The following JADE3 variants were observed in gnomAD, a reference collection of about 807,000 sequenced individuals.
JADE3 encodes jade family PHD finger 3, also known as protein Jade-3.
In JADE3, 2 loss-of-function variants were observed where a neutral mutation model predicts 50.1. The observed-to-expected ratio is 0.04, with a 90% confidence interval of 0.02 to 0.13. JADE3 has a LOEUF of 0.13. Among genes scored for constraint, JADE3 ranks in the 10% least tolerant of loss-of-function variants. JADE3 has a pLI of 1.00. For missense variants in JADE3, 475 were observed against 634.4 expected, an observed-to-expected ratio of 0.75 and a Z score of 2.70; for synonymous variants, 218 against 232.9, an observed-to-expected ratio of 0.94 and a Z score of 0.58.
chrX:46,981,908 A>G lies in JADE3; in HGVS notation c.-11-2976A>G, dbSNP rs556636393. On this transcript the variant is annotated intron_variant, in intron 1 of 10. Transcript: ENST00000614628. The stretch of plus-strand genomic sequence containing the variant: ...TTTTTTTTCCCGGGCTGCTTTCAAG[A>G]TTTTCTCCTTGTCTTTGGCTTTCAG... 2.9e-4 allele frequency among the ~76,000 whole-genome samples: 32 copies of G among 110,326 alleles called. No homozygotes were observed. The South Asian group carries it at 0.012, about 41-fold the overall frequency.
chrX:46,983,437 G>T (rs1321698083), intron 1 of JADE3, among the ~76,000 whole-genome samples: 2 of 111,133 alleles, frequency 1.8e-5, no homozygotes, highest in African/African-American at 6.6e-5. Flanking sequence ...AACACCCAAG[G>T]CATAGCCTCC....
intron 4 of JADE3, among the ~76,000 whole-genome samples, chrX:47,004,015 T>A (rs1461022636): frequency 1.8e-5 from 2 of 108,293 alleles, no homozygotes; most frequent in African/African-American, 6.7e-5. Flanking sequence ...AACTTCCACC[T>A]CCTAGGCTCA....
intron 1 of JADE3, among the ~76,000 whole-genome samples, chrX:46,945,633 C>A (rs1556343219): frequency 9.0e-6 from 1 of 111,642 alleles, no homozygotes. Flanking sequence ...ACTCCTGGAG[C>A]TGTGGGAGCT....
chrX:46,941,389 G>C (rs1602377677), intron 1 of JADE3, among the ~76,000 whole-genome samples: 2 of 111,451 alleles, frequency 1.8e-5, no homozygotes, highest in Admixed American at 1.9e-4. Context: ...CTTTATGGTA[G>C]AATAATTTAT....
chrX:46,980,729 T>A (rs1927729212), intron 1 of JADE3, among the ~76,000 whole-genome samples: 1 of 111,984 alleles, frequency 8.9e-6, no homozygotes, highest in Non-Finnish European at 1.9e-5. Flanking sequence ...TTTTATAATT[T>A]TACATTTTTC....
At chrX:46,937,389 G>A (rs1222970249) in intron 1 of JADE3, among the ~76,000 whole-genome samples, 1 of 110,990 alleles carries the variant, frequency 9.0e-6, no homozygotes, top group Non-Finnish European at 1.9e-5. Context: ...CTATTTTGGG[G>A]TGAAGTGTTC....
intron 3 of JADE3, among the ~76,000 whole-genome samples, chrX:46,988,486 A>G (rs1041846415): frequency 1.8e-5 from 2 of 111,825 alleles, no homozygotes; most frequent in African/African-American, 6.5e-5. Flanking sequence ...ATAAGTATAT[A>G]GTAAACATTT....
intron 4 of JADE3, among the ~76,000 whole-genome samples, chrX:47,005,178 A>G (rs1556360068): frequency 8.9e-6 from 1 of 111,802 alleles, no homozygotes; most frequent in Admixed American, 9.5e-5. Flanking sequence ...AAACTAAGAA[A>G]AGCCTGTCCT....
chrX:46,968,916 AAC>A lies in JADE3; in HGVS notation c.-11-15965_-11-15964del, dbSNP rs1556349598. ...AAATCAGCAAAGATATAGAAGAAAT[AAC>A]ACCACCAGTCAACCAGATTTAATTG... is the stretch of plus-strand genomic sequence containing the variant. On this transcript the variant is annotated intron_variant, in intron 1 of 10. Coordinates refer to ENST00000614628, the MANE Select transcript of JADE3 (RefSeq NM_014735.5). 3.6e-5 allele frequency among the ~76,000 whole-genome samples: 4 copies of A among 111,871 alleles called. No homozygotes were observed. In the South Asian group the frequency reaches 1.5e-3, roughly 42 times the overall value.
intron 1 of JADE3, among the ~76,000 whole-genome samples, chrX:46,961,881 C>T (rs1244454440): frequency 8.9e-6 from 1 of 112,365 alleles, no homozygotes; most frequent in Non-Finnish European, 1.9e-5. Context: ...TGCGTTTATA[C>T]TTGGGTAATT....
At chrX:47,049,287 A>C (rs1369884950) in intron 8 of JADE3, among the ~76,000 whole-genome samples, 3 of 94,036 alleles carry the variant, frequency 3.2e-5, no homozygotes, top group Admixed American at 1.3e-4. Flanking sequence ...TCCCAGGTTC[A>C]AGCAATTCTC....
intron 3 of JADE3, among the ~76,000 whole-genome samples, chrX:46,990,248 T>C (rs1927956016): frequency 8.9e-6 from 1 of 111,795 alleles, no homozygotes; most frequent in African/African-American, 3.3e-5. Flanking sequence ...TTTTCAGTTG[T>C]ATCCTGGACT....
intron 4 of JADE3, among the ~76,000 whole-genome samples, chrX:47,013,484 T>C (rs1292518349): frequency 8.9e-6 from 1 of 112,250 alleles, no homozygotes; most frequent in Non-Finnish European, 1.9e-5. Flanking sequence ...ATTAAAAATA[T>C]AAACTTCATT....
intron 1 of JADE3, among the ~76,000 whole-genome samples, chrX:46,944,344 C>T (rs1417449057): frequency 4.7e-5 from 5 of 105,435 alleles, no homozygotes; most frequent in African/African-American, 1.7e-4. Context: ...TTGCTGTTGT[C>T]GCCCAGGCTG....
At chrX:47,006,898 G>A (rs1046071062) in intron 4 of JADE3, among the ~76,000 whole-genome samples, 1 of 109,220 alleles carries the variant, frequency 9.2e-6, no homozygotes, top group East Asian at 2.8e-4. Context: ...ATTTCAAAGT[G>A]TGATTTTTGG....
At chrX:46,971,457 G>A (rs1927488642) in intron 1 of JADE3, among the ~76,000 whole-genome samples, 1 of 109,511 alleles carries the variant, frequency 9.1e-6, no homozygotes, top group African/African-American at 3.3e-5. Flanking sequence ...AAAATGTACT[G>A]CAAAATTTTT....
At chrX:46,986,086 T>C (rs1927856446) in intron 3 of JADE3, among the ~76,000 whole-genome samples, 1 of 111,507 alleles carries the variant, frequency 9.0e-6, no homozygotes, top group Admixed American at 9.6e-5. Context: ...AGCTCTCCTT[T>C]GCCTTCCACC....
chrX:46,938,254 C>T (rs1556341575), intron 1 of JADE3, among the ~76,000 whole-genome samples: 1 of 110,351 alleles, frequency 9.1e-6, no homozygotes, highest in Non-Finnish European at 1.9e-5. Flanking sequence ...CTCTTTTTTC[C>T]CATTTTCCTG....
chrX:47,028,409 T>G (rs782759227), intron 6 of JADE3, among the ~76,000 whole-genome samples: 1 of 109,970 alleles, frequency 9.1e-6, no homozygotes, highest in East Asian at 2.9e-4. Context: ...CATTGCTGCC[T>G]GTCTGAGGTC....
Sources: allele counts gnomAD v4.1 joint callset (sites outside exome capture counted in the v4.1 genomes callset), GRCh38; gene constraint gnomAD v4.1.1; transcripts MANE v1.5; gene names NCBI Gene and HGNC (gene_info 2026-07-23, HGNC 2026-07-21).